The following WDR7 variants were observed in gnomAD, a reference collection of about 807,000 sequenced individuals.
WDR7 encodes WD repeat domain 7.
In WDR7, 46 loss-of-function variants were observed where a neutral mutation model predicts 169.4. That is an observed-to-expected ratio of 0.27 (90% CI 0.21 to 0.35). The LOEUF (loss-of-function observed/expected upper bound fraction) is 0.35. WDR7 is among the 10% of genes least tolerant of loss of function. WDR7 has a pLI of 1.00. For synonymous variants in WDR7, 612 were observed against 666.8 expected, an observed-to-expected ratio of 0.92 and a Z score of 1.27; for missense variants, 1,534 against 1,859.3, an observed-to-expected ratio of 0.83 and a Z score of 3.22.
At chr18:56,786,083 A>C (rs1219630325) in intron 19 of WDR7, among the ~76,000 whole-genome samples, 2 of 152,056 alleles carry the variant, frequency 1.3e-5, no homozygotes, top group African/African-American at 2.4e-5. Flanking sequence ...TGGTTTCTAT[A>C]GTTTTGTTCT....
intron 14 of WDR7, among the ~76,000 whole-genome samples, chr18:56,743,697 G>C (rs1335732447): frequency 6.6e-6 from 1 of 152,200 alleles, no homozygotes; most frequent in East Asian, 1.9e-4. Context: ...TAATACTTTT[G>C]AAATGTGTGT....
chr18:56,851,266 G>A (rs909288628), intron 20 of WDR7, among the ~76,000 whole-genome samples: 3 of 151,986 alleles, frequency 2.0e-5, no homozygotes, highest in Non-Finnish European at 4.4e-5. Flanking sequence ...CTCCAAACAT[G>A]TCTTAGTCTT....
intron 26 of WDR7, among the ~76,000 whole-genome samples, chr18:57,014,819 C>T (rs2048184886): frequency 6.6e-6 from 1 of 151,492 alleles, no homozygotes; most frequent in Non-Finnish European, 1.5e-5. Context: ...GAAATAAAAC[C>T]TGAAAGGAAA....
chr18:56,944,634 A>G (rs1472001634), intron 25 of WDR7, among the ~76,000 whole-genome samples: 1 of 152,160 alleles, frequency 6.6e-6, no homozygotes, highest in African/African-American at 2.4e-5. Context: ...TGTTCATATA[A>G]TAGCTTTTCT....
At position 56,734,373 on chromosome 18, in the gene WDR7, A is replaced by G. The variant is rs548415833; in HGVS notation, c.1989+2776A>G. Among the ~76,000 whole-genome samples, 72 of 152,246 alleles carry G rather than the reference A, an allele frequency of 4.7e-4. No individual in the cohort carries two copies. In the South Asian group the frequency reaches 0.015, roughly 32 times the overall value. On this transcript the variant is annotated intron_variant, in intron 14 of 27. Coordinates refer to ENST00000254442, the MANE Select transcript of WDR7 (RefSeq NM_015285.3). ...GTTGGAGGACTGGAGTCTATATAGT[A>G]GGATGCTGAGCATCATTTCTGTCTT...
In WDR7 at chr18:56,854,500, G is replaced by A. The variant is rs1595279; in HGVS notation, c.3305-25444G>A. ...GCTCTCTGGAAGCTCTCCATACCCC[G>A]TCCTCCTCGGCCTTTTATGGAGACT... On this transcript the variant is annotated intron_variant, in intron 20 of 27. Coordinates refer to ENST00000254442, the MANE Select transcript of WDR7 (RefSeq NM_015285.3). Among the ~76,000 whole-genome samples, 444 of 152,276 alleles carry A rather than the reference G, an allele frequency of 2.9e-3. 1 individual carries two copies. Among genetic ancestry groups the A allele is most frequent in the Non-Finnish European group, 4.2e-3 (285 of 68,008 alleles).
At chr18:56,741,427 A>G (rs2043620872) in intron 14 of WDR7, among the ~76,000 whole-genome samples, 1 of 152,178 alleles carries the variant, frequency 6.6e-6, no homozygotes, top group African/African-American at 2.4e-5. Context: ...TCTTTCCCCC[A>G]GATAATACCT....
chr18:57,032,849 T>C (rs1195768762), downstream of WDR7: 1 of 102,332 alleles, frequency 9.8e-6, no homozygotes, highest in East Asian at 2.3e-4. Flanking sequence ...ATATATACAG[T>C]GTAATAATAG....
intron 16 of WDR7, among the ~76,000 whole-genome samples, chr18:56,759,200 C>T (rs1487911716): frequency 6.6e-6 from 1 of 152,072 alleles, no homozygotes; most frequent in Non-Finnish European, 1.5e-5. Context: ...AATTTTTATG[C>T]ATTGGGGCAC....
At chr18:56,829,942 G>A (rs1368141572) in intron 20 of WDR7, among the ~76,000 whole-genome samples, 1 of 152,198 alleles carries the variant, frequency 6.6e-6, no homozygotes. Flanking sequence ...AAATTGAAAA[G>A]TTAGAAAATA....
chr18:56,656,937 A>G (rs2024789425), intron 1 of WDR7, among the ~76,000 whole-genome samples: 1 of 152,104 alleles, frequency 6.6e-6, no homozygotes, highest in Non-Finnish European at 1.5e-5. Flanking sequence ...ATGGTATACT[A>G]TTTTTTAAGT....
chr18:56,737,953 T>C (rs2144837016), intron 14 of WDR7, among the ~76,000 whole-genome samples: 1 of 152,326 alleles, frequency 6.6e-6, no homozygotes, highest in South Asian at 2.1e-4. Context: ...ATGAGTATGT[T>C]GATAATATAT....
chr18:56,869,371 A>G (rs2045923385), intron 20 of WDR7, among the ~76,000 whole-genome samples: 1 of 152,212 alleles, frequency 6.6e-6, no homozygotes, highest in African/African-American at 2.4e-5. Flanking sequence ...GCAGGGGGCT[A>G]TCGTGCATAC....
downstream of WDR7, chr18:57,033,156 A>G (rs374522651): frequency 5.6e-4 from 86 of 152,296 alleles, 1 homozygote; most frequent in African/African-American, 2.0e-3. Context: ...ACCAAGCACC[A>G]TAACACTATG....
chr18:56,892,212 C>T (rs1054444947), intron 21 of WDR7, among the ~76,000 whole-genome samples: 1 of 152,086 alleles, frequency 6.6e-6, no homozygotes, highest in African/African-American at 2.4e-5. Flanking sequence ...TTATAGACCT[C>T]TATGAAATTA....
chr18:56,905,614 A>G (rs1368860795), intron 21 of WDR7, among the ~76,000 whole-genome samples: 1 of 105,552 alleles, frequency 9.5e-6, no homozygotes, highest in Non-Finnish European at 2.0e-5. Context: ...ATTTATATTT[A>G]TTATGAAACT....
chr18:56,838,155 A>G (rs923845657), intron 20 of WDR7, among the ~76,000 whole-genome samples: 11 of 152,346 alleles, frequency 7.2e-5, no homozygotes, highest in African/African-American at 2.4e-4. Context: ...TGTATTATTT[A>G]AGTCTAAGCA....
chr18:56,664,818 G>A (rs1359992044), intron 1 of WDR7, among the ~76,000 whole-genome samples: 2 of 152,190 alleles, frequency 1.3e-5, no homozygotes, highest in Non-Finnish European at 2.9e-5. Flanking sequence ...TATGCATCAG[G>A]CATTTGGAAG....
rs2917654 is a variant in WDR7, at chr18:57,024,718, G to A, written c.4270-2286G>A. On this transcript the variant is annotated intron_variant, in intron 27 of 27. Transcript: ENST00000254442. The stretch of plus-strand genomic sequence containing the variant: ...ACTATGATAGTTATGTCCCTTACAG[G>A]ATTTCACATATCCCTATTCTCAGAC... 1.7e-4 allele frequency among the ~76,000 whole-genome samples: 23 copies of A among 139,072 alleles called. 2 individuals are homozygous for A. The highest frequency in any genetic ancestry group is 4.3e-4 in the African/African-American group (15 of 34,676). 91.2% of individuals were successfully genotyped at this position (139,072 alleles called of 152,430 possible).
Sources: allele counts gnomAD v4.1 joint callset (sites outside exome capture counted in the v4.1 genomes callset), GRCh38; gene constraint gnomAD v4.1.1; transcripts MANE v1.5; gene names NCBI Gene and HGNC (gene_info 2026-07-23, HGNC 2026-07-21).